Variants in TRMU observed in about 807,000 individuals in gnomAD.
TRMU encodes the protein tRNA mitochondrial 2-thiouridylase.
Under a neutral mutation model 46.9 loss-of-function variants are expected in TRMU, and 49 were observed. That is an observed-to-expected ratio of 1.05 (90% CI 0.83 to 1.33). The LOEUF is 1.33. TRMU is among the 40% of genes most tolerant of loss of function. The probability of loss-of-function intolerance (pLI) is 0.00; values close to 1 mark genes in which losing one functional copy is unlikely to be tolerated. For synonymous variants in TRMU, 241 were observed against 200.9 expected, an observed-to-expected ratio of 1.20 and a Z score of -1.69; for missense variants, 572 against 532.4, an observed-to-expected ratio of 1.07 and a Z score of -0.73.
intron 2 of TRMU, among the ~76,000 whole-genome samples, chr22:46,340,435 A>G (rs2078092336): frequency 6.6e-6 from 1 of 152,230 alleles, no homozygotes; most frequent in South Asian, 2.1e-4. Flanking sequence ...AGAACGTACG[A>G]GTGGATGCGA....
rs965353283 is a variant in TRMU, at chr22:46,351,403, T to C, written c.652-718T>C. ...TTGGGGATGGAGGGCGAGGGCGCTG[T>C]GGGATGAGCCTCACCTCTTCAGGGG... On this transcript the variant is annotated intron_variant, in intron 5 of 10. Coordinates refer to ENST00000645190, the MANE Select transcript of TRMU (RefSeq NM_018006.5). This position sits in a 1 kb window ranked among gnomAD's most constrained non-coding sequence, Gnocchi z 6.4. Among the ~76,000 whole-genome samples, 4 of 152,062 alleles carry C rather than the reference T, an allele frequency of 2.6e-5. No individual in the cohort carries two copies. The highest frequency in any genetic ancestry group is 4.4e-5 in the Non-Finnish European group (3 of 67,982).
rs2078311062 is a variant in TRMU at position 46,348,277 on chromosome 22, C to T, written c.478+1733C>T. Among the ~76,000 whole-genome samples the T allele has an allele frequency of 6.6e-6, 1 of 152,210 alleles. No individual in the cohort carries two copies. Among genetic ancestry groups the T allele is most frequent in the African/African-American group, 2.4e-5 (1 of 41,448 alleles). On this transcript the variant is annotated intron_variant, in intron 4 of 10. Transcript: ENST00000645190. The surrounding 1 kb of genome is among the most constrained non-coding windows in gnomAD (Gnocchi z 4.8). ...AACACTGTGTGCCCTGCAGAGCCAT[C>T]GACCTTTATTATAGGCCACGTGCCC...
chr22:46,356,440 G>A (rs2078611067), intron 10 of TRMU: 1 of 425,400 alleles, frequency 2.4e-6, no homozygotes, highest in Non-Finnish European at 4.4e-6. Context: ...GGCGCCTGGT[G>A]GGTGTAGGCC....
rs1199922016 is a variant in TRMU at position 46,347,819 on chromosome 22, C to G, written c.478+1275C>G. Among the ~76,000 whole-genome samples, 1 of 152,202 alleles carries G rather than the reference C, an allele frequency of 6.6e-6. No homozygotes were observed. Among genetic ancestry groups the G allele is most frequent in the East Asian group, 1.9e-4 (1 of 5,198 alleles). ...CACTCCCCAGCCCCTGCTGCTTCTG[C>G]TGGGTCAGGCCCCAGCTGAGTTCTT... is the stretch of plus-strand genomic sequence containing the variant. On this transcript the variant is annotated intron_variant, in intron 4 of 10. Transcript: ENST00000645190. The surrounding 1 kb of genome is among the most constrained non-coding windows in gnomAD (Gnocchi z 5.0).
chr22:46,355,052 G>A (rs544452106), intron 8 of TRMU: 131 of 302,964 alleles, frequency 4.3e-4, no homozygotes, highest in Non-Finnish European at 6.4e-4. Flanking sequence ...AGAAGAGCCC[G>A]TGGTGTGGCT....
At chr22:46,352,590 C>T (rs1160226684) in intron 7 of TRMU, 1 of 568,416 alleles carries the variant, frequency 1.8e-6, no homozygotes, top group Non-Finnish European at 3.2e-6. Context: ...GGACTATACT[C>T]TGTGAGTTAC....
chr22:46,345,139 C>T (rs574668605), intron 3 of TRMU, among the ~76,000 whole-genome samples: 10 of 151,732 alleles, frequency 6.6e-5, no homozygotes, highest in Admixed American at 2.0e-4. Context: ...GGTGTGATCT[C>T]GGCTCACTGC....
chr22:46,336,159 T>C lies in TRMU; in HGVS notation c.82+313T>C. ...TGGGGAGGGAAGGGTTTCTCACGGA[T>C]CTGCGGCGTCCACATTCACCTGTGA... On this transcript the variant is annotated intron_variant, in intron 1 of 10. Coordinates refer to ENST00000645190, the MANE Select transcript of TRMU (RefSeq NM_018006.5). The surrounding 1 kb of genome is among the most constrained non-coding windows in gnomAD (Gnocchi z 4.1). 1 of 1,267,790 alleles carries C rather than the reference T, an allele frequency of 7.9e-7. No homozygotes were observed. The highest frequency in any genetic ancestry group is 1.0e-6 in the Non-Finnish European group (1 of 1,000,386). 78.5% of individuals were successfully genotyped at this position (1,267,790 alleles called of 1,614,324 possible).
rs1021314410 is a variant in TRMU at position 46,352,255 on chromosome 22, G to A, written c.706-9G>A. On this transcript the variant is annotated splice_polypyrimidine_tract_variant and intron_variant, in intron 6 of 10. Coordinates refer to ENST00000645190, the MANE Select transcript of TRMU (RefSeq NM_018006.5). The stretch of plus-strand genomic sequence containing the variant: ...GATCTCCGTCGGTAATGACATGTTT[G>A]TTTTCCAGTATCTGCAGCCTCGACC... The A allele has an allele frequency of 6.2e-7, 1 of 1,614,064 alleles. No individual in the cohort carries two copies. The highest frequency in any genetic ancestry group is 8.5e-7 in the Non-Finnish European group (1 of 1,180,044).
Position 46,355,600 on chromosome 22 carries a change from G to C in TRMU, c.1018+12G>C. ...CCAGATGGCACTAGGTGACTGACGG[G>C]AGGGCTCCTGAGGACGGGCCCCTTG... On this transcript the variant is annotated intron_variant, in intron 9 of 10. Coordinates refer to ENST00000645190, the MANE Select transcript of TRMU (RefSeq NM_018006.5). 2 of 1,613,290 alleles carry C rather than the reference G, an allele frequency of 1.2e-6. No homozygotes were observed. Among genetic ancestry groups the C allele is most frequent in the Non-Finnish European group, 8.5e-7 (1 of 1,180,030 alleles).
rs902392357 is a variant in TRMU at position 46,336,130 on chromosome 22, G to A, written c.82+284G>A. 17 of 1,328,530 alleles carry A rather than the reference G, an allele frequency of 1.3e-5. No individual in the cohort carries two copies. The highest frequency in any genetic ancestry group is 3.1e-5 in the African/African-American group (2 of 64,148). The allele number at this position is 1,328,530 out of a possible 1,614,324, so 82.3% of individuals were successfully genotyped here. On this transcript the variant is annotated intron_variant, in intron 1 of 10. Transcript: ENST00000645190. This position sits in a 1 kb window ranked among gnomAD's most constrained non-coding sequence, Gnocchi z 4.1. The stretch of plus-strand genomic sequence containing the variant: ...CAGTGAGAAGCCGGCGGGCCGGGGT[G>A]GGGTGGGGAGGGAAGGGTTTCTCAC...
At chr22:46,343,438 T>C in intron 3 of TRMU, 70 bp downstream of exon 3, 1 of 1,169,446 alleles carries the variant, frequency 8.6e-7, no homozygotes, top group Non-Finnish European at 1.3e-6. Context: ...CAGGCTGGAT[T>C]GCAGTGGTGC....
intron 10 of TRMU, 36 bp from the exon 11 acceptor site, chr22:46,356,804 CCT>C: frequency 6.2e-7 from 1 of 1,610,876 alleles, no homozygotes; most frequent in Non-Finnish European, 8.5e-7. Flanking sequence ...CGGCTGGCTC[CCT>C]GTGGCACCCC....
At position 46,357,252 on chromosome 22, in the gene TRMU, C is replaced by A. The variant is rs1319975758; in HGVS notation, c.*246C>A. 1.7e-6 allele frequency: 1 copy of A among 592,784 alleles called. No homozygotes were observed. Among genetic ancestry groups the A allele is most frequent in the African/African-American group, 1.9e-5 (1 of 53,558 alleles). 36.7% of individuals were successfully genotyped at this position (592,784 alleles called of 1,614,324 possible). A position where few individuals can be genotyped will look rare whatever the true frequency, so the allele number is the denominator to read the frequency against. Reference sequence around the variant, plus strand: ...GGCCCGAGTTCCCCTTCACCGCCCCCAGGGAGGGTTTCCCACCTCAGAGTA... The same window carrying A: ...GGCCCGAGTTCCCCTTCACCGCCCCAAGGGAGGGTTTCCCACCTCAGAGTA... On this transcript the variant is annotated 3_prime_UTR_variant, in exon 11 of 11. Transcript: ENST00000645190.
rs76709222 is a variant in TRMU at position 46,351,781 on chromosome 22, G to C, written c.652-340G>C. ...TTCAGGCCTGGCTTTCCTGCTACCT[G>C]CCCCTTCTCTGGTCCCTGTCTCTCC... On this transcript the variant is annotated intron_variant, in intron 5 of 10. Coordinates refer to ENST00000645190, the MANE Select transcript of TRMU (RefSeq NM_018006.5). This position sits in a 1 kb window ranked among gnomAD's most constrained non-coding sequence, Gnocchi z 6.4. The C allele has an allele frequency of 0.014, 5,975 of 418,094 alleles. 324 individuals are homozygous for C. The highest frequency in any genetic ancestry group is 0.11 in the African/African-American group (5,354 of 49,194). The allele number at this position is 418,094 out of a possible 1,614,324, so 25.9% of individuals were successfully genotyped here. A position where few individuals can be genotyped will look rare whatever the true frequency, so the allele number is the denominator to read the frequency against.
In TRMU at chr22:46,350,809, G is replaced by A. The variant is rs1245738756; in HGVS notation, c.651+346G>A. Among the ~76,000 whole-genome samples, 1 of 152,202 alleles carries A rather than the reference G, an allele frequency of 6.6e-6. No individual in the cohort carries two copies. The highest frequency in any genetic ancestry group is 1.5e-5 in the Non-Finnish European group (1 of 68,036). On this transcript the variant is annotated intron_variant, in intron 5 of 10. Coordinates refer to ENST00000645190, the MANE Select transcript of TRMU (RefSeq NM_018006.5). The surrounding 1 kb of genome is among the most constrained non-coding windows in gnomAD (Gnocchi z 4.6). ...GATGCAGCCCCGAGACCCCTGGAGG[G>A]GCAGGTGCTGTGCCGCCGTCTGCAC...
In TRMU at chr22:46,338,970, TTC is replaced by T. The variant is rs1051948667; in HGVS notation, c.248+1030_248+1031del. Among the ~76,000 whole-genome samples, 1 of 152,078 alleles carries T rather than the reference TTC, an allele frequency of 6.6e-6. No homozygotes were observed. Among genetic ancestry groups the T allele is most frequent in the Non-Finnish European group, 1.5e-5 (1 of 68,020 alleles). ...ACTTTGTTTTTTTAATTGAAAAAAA[TTC>T]TCTTTTTTTCCTGCCAACAAAGACC... On this transcript the variant is annotated intron_variant, in intron 2 of 10. Transcript: ENST00000645190. The surrounding 1 kb of genome is among the most constrained non-coding windows in gnomAD (Gnocchi z 4.5).
intron 7 of TRMU, chr22:46,353,217 GTTCAC>G (rs2078490096): frequency 5.6e-6 from 1 of 178,070 alleles, no homozygotes; most frequent in African/African-American, 2.4e-5. Flanking sequence ...TCCACCTGCA[GTTCAC>G]TTCACTGAAG....
rs1263601105 is a variant in TRMU, at chr22:46,357,040, C to G, written c.*34C>G. On this transcript the variant is annotated 3_prime_UTR_variant, in exon 11 of 11. Transcript: ENST00000645190. ...GATCTGCTAGAAGGAACCTGGAGAG[C>G]AGGACCCATGGCTGGGCGGCTGGTG... 1 of 1,612,676 alleles carries G rather than the reference C, an allele frequency of 6.2e-7. No individual in the cohort carries two copies. The highest frequency in any genetic ancestry group is 8.5e-7 in the Non-Finnish European group (1 of 1,179,844).
Sources: gnomAD v4.1 joint callset for allele counts (sites outside exome capture counted in the v4.1 genomes callset) on GRCh38, gnomAD v4.1.1 for gene constraint, Gnocchi (gnomAD v3.1) non-coding constraint, MANE v1.5 for transcripts, NCBI Gene and HGNC (gene_info 2026-07-23, HGNC 2026-07-21) for gene names.